Variants in VPS13B observed in about 807,000 individuals in gnomAD.
VPS13B encodes the protein vacuolar protein sorting 13 homolog B, also known as intermembrane lipid transfer protein VPS13B.
In VPS13B, 285 loss-of-function variants were observed where a neutral mutation model predicts 426.4. The ratio of observed to expected loss-of-function variants is 0.67; its 90% CI spans 0.61 to 0.74. The LOEUF (loss-of-function observed/expected upper bound fraction) is 0.74, where lower values mean the gene tolerates loss of function less well. Ranked by LOEUF, VPS13B falls within the 30% of genes least tolerant of loss-of-function variation. VPS13B has a pLI of 0.00. For missense variants in VPS13B, 4,537 were observed against 4,782.6 expected (o/e 0.95, Z 1.51); for synonymous variants, 1,676 against 1,676.4 (o/e 1.00, Z 0.01).
At chr8:99,632,602 T>C (rs1233075435) in intron 33 of VPS13B, among the ~76,000 whole-genome samples, 6 of 151,872 alleles carry the variant, frequency 4.0e-5, no homozygotes, top group Non-Finnish European at 7.4e-5. Flanking sequence ...GGAAGGTCAT[T>C]TTGGTGTAGT....
At chr8:99,759,608 T>G (rs1180495364) in intron 39 of VPS13B, among the ~76,000 whole-genome samples, 1 of 152,134 alleles carries the variant, frequency 6.6e-6, no homozygotes, top group Non-Finnish European at 1.5e-5. Flanking sequence ...AACCCCTTAT[T>G]CAGTATTTTT....
chr8:99,525,623 A>G (rs1170909809), intron 30 of VPS13B, among the ~76,000 whole-genome samples: 1 of 152,250 alleles, frequency 6.6e-6, no homozygotes, highest in Non-Finnish European at 1.5e-5. Context: ...AGGCTACTGT[A>G]CATCAGGCAC....
intron 14 of VPS13B, 22 bp downstream of exon 14, chr8:99,148,032 AT>A (rs763017430): frequency 3.1e-5 from 49 of 1,585,602 alleles, no homozygotes; most frequent in East Asian, 4.6e-5. Context: ...GATTTGCTAT[AT>A]TTTTTTTCCC....
rs571795757 is a variant in VPS13B, at chr8:99,631,921, T to G, written c.5221-9890T>G. Among the ~76,000 whole-genome samples the G allele has an allele frequency of 5.9e-5, 9 of 152,164 alleles. No individual in the cohort carries two copies. In the East Asian group the frequency reaches 1.5e-3, roughly 26 times the overall value. ...TTTGCTAATTAGTTTTGACATTAGC[T>G]CTATCTTCAAGAAGCTTGGGAAATA... On this transcript the variant is annotated intron_variant, in intron 33 of 61. Coordinates refer to ENST00000357162, the MANE Select transcript of VPS13B (RefSeq NM_152564.5).
At chr8:99,531,121 C>T (rs937037210) in intron 30 of VPS13B, among the ~76,000 whole-genome samples, 2 of 152,148 alleles carry the variant, frequency 1.3e-5, no homozygotes, top group African/African-American at 4.8e-5. Flanking sequence ...CTAGGATGGA[C>T]TTAATATTAT....
At chr8:99,753,050 A>G (rs1423719143) in intron 39 of VPS13B, among the ~76,000 whole-genome samples, 2 of 152,104 alleles carry the variant, frequency 1.3e-5, no homozygotes, top group East Asian at 3.9e-4. Flanking sequence ...GGTTTTTTTA[A>G]CTTTCTGAAC....
intron 3 of VPS13B, among the ~76,000 whole-genome samples, chr8:99,058,844 A>G (rs1844028565): frequency 6.6e-6 from 1 of 152,142 alleles, no homozygotes; most frequent in Non-Finnish European, 1.5e-5. Context: ...CTTTAGGATG[A>G]TTGGTGTGGA....
At chr8:99,672,581 G>A (rs1293590901) in intron 35 of VPS13B, among the ~76,000 whole-genome samples, 1 of 151,876 alleles carries the variant, frequency 6.6e-6, no homozygotes, top group African/African-American at 2.4e-5. Context: ...ATGTTATAAG[G>A]TTATCTGTGG....
At position 99,817,765 on chromosome 8, in the gene VPS13B, C is replaced by G; in HGVS notation, c.8323C>G (p.Leu2775Val). The G allele has an allele frequency of 1.9e-6, 3 of 1,614,060 alleles. No homozygotes were observed. The highest frequency in any genetic ancestry group is 2.2e-5 in the East Asian group (1 of 44,846). ...TGAAGACTGGTCAAGAGATGTGTGCCTGGAATCCAAAGCCCCTGAGTACAG... is the reference window on the plus strand; with the variant it reads ...TGAAGACTGGTCAAGAGATGTGTGCGTGGAATCCAAAGCCCCTGAGTACAG... ...GDEDWSRDVC[L>V]ESKAPEYSIV... Residue 2775 changes from leucine (L) to valine (V), a missense_variant, in exon 45 of 62, where the codon CTG (leucine) becomes GTG (valine). Coordinates refer to ENST00000357162, the MANE Select transcript of VPS13B (RefSeq NM_152564.5).
chr8:99,441,234 A>G (rs974799926), intron 22 of VPS13B, among the ~76,000 whole-genome samples: 2 of 152,130 alleles, frequency 1.3e-5, no homozygotes, highest in African/African-American at 4.8e-5. Flanking sequence ...TGAAGCAAAG[A>G]CAAACAGGTT....
chr8:99,279,626 G>A (rs1005198834), intron 19 of VPS13B, among the ~76,000 whole-genome samples: 2 of 152,036 alleles, frequency 1.3e-5, no homozygotes, highest in African/African-American at 4.8e-5. Context: ...ATTCATAGCA[G>A]GTTCTGCTTG....
At chr8:99,470,840 T>C (rs1461775956) in intron 24 of VPS13B, among the ~76,000 whole-genome samples, 3 of 151,966 alleles carry the variant, frequency 2.0e-5, no homozygotes, top group African/African-American at 7.2e-5. Context: ...TAACAAACAT[T>C]TGGACACATT....
chr8:99,671,999 G>C (rs1193668711), intron 35 of VPS13B, among the ~76,000 whole-genome samples: 1 of 152,048 alleles, frequency 6.6e-6, no homozygotes, highest in African/African-American at 2.4e-5. Context: ...TTTTATGCCA[G>C]TACTATACTG....
intron 35 of VPS13B, among the ~76,000 whole-genome samples, chr8:99,677,486 G>C (rs934520335): frequency 6.6e-6 from 1 of 152,174 alleles, no homozygotes; most frequent in Non-Finnish European, 1.5e-5. Flanking sequence ...CTACGGAATG[G>C]ACCAAGAATT....
At chr8:99,308,810 G>A (rs1048182904) in intron 19 of VPS13B, among the ~76,000 whole-genome samples, 6 of 152,120 alleles carry the variant, frequency 3.9e-5, no homozygotes, top group African/African-American at 1.4e-4. Flanking sequence ...GTGTAAAAGT[G>A]TTCCTATTTC....
intron 8 of VPS13B, among the ~76,000 whole-genome samples, chr8:99,131,150 G>A (rs1368559761): frequency 6.6e-6 from 1 of 152,142 alleles, no homozygotes; most frequent in Non-Finnish European, 1.5e-5. Context: ...TAATTTTAGA[G>A]TTACAGACAG....
rs188457608 is a variant in VPS13B, at chr8:99,128,165, C to T, written c.1207-6467C>T. The stretch of plus-strand genomic sequence containing the variant: ...CAGCACTTTGGGAGGCTGAGGTGGG[C>T]GGATCATGAGGTCAGGAGTTCGAGA... On this transcript the variant is annotated intron_variant, in intron 8 of 61. Transcript: ENST00000357162. Among the ~76,000 whole-genome samples, 56 of 151,696 alleles carry T rather than the reference C, an allele frequency of 3.7e-4. 1 individual carries two copies. The East Asian group carries it at 4.3e-3, about 12-fold the overall frequency.
At position 99,307,627 on chromosome 8, in the gene VPS13B, A is replaced by G. The variant is rs560146684; in HGVS notation, c.2824+32373A>G. Among the ~76,000 whole-genome samples the G allele has an allele frequency of 1.2e-3, 190 of 152,114 alleles. 1 individual carries two copies. The highest frequency in any genetic ancestry group is 4.1e-3 in the Admixed American group (63 of 15,266). On this transcript the variant is annotated intron_variant, in intron 19 of 61. Transcript: ENST00000357162. ...ATGCTATTTCACTGGTTATTTTCAT[A>G]TCTGATTTTGTTTATTTGGGTCTTA...
chr8:99,245,443 C>G (rs1419666777), intron 17 of VPS13B, among the ~76,000 whole-genome samples: 1 of 152,200 alleles, frequency 6.6e-6, no homozygotes, highest in Non-Finnish European at 1.5e-5. Flanking sequence ...GCTAAGAACT[C>G]AGAAGTAATC....
Sources: allele counts gnomAD v4.1 joint callset (sites outside exome capture counted in the v4.1 genomes callset), GRCh38; gene constraint gnomAD v4.1.1; transcripts MANE v1.5; gene names NCBI Gene and HGNC (gene_info 2026-07-23, HGNC 2026-07-21).